Variants in EEFSEC observed in about 807,000 individuals in gnomAD.
EEFSEC encodes the protein selenocysteine-specific elongation factor.
EEFSEC carries 43 observed loss-of-function variants against 42.1 expected under a neutral mutation model. The ratio of observed to expected loss-of-function variants is 1.02; its 90% CI spans 0.80 to 1.32. The LOEUF (loss-of-function observed/expected upper bound fraction) is 1.32. Among genes scored for constraint, EEFSEC ranks in the 40% most tolerant of loss-of-function variants. The pLI, the probability that EEFSEC is intolerant of heterozygous loss-of-function variation, is 0.00. For missense variants in EEFSEC, 745 were observed against 803.6 expected (o/e 0.93, Z 0.88); for synonymous variants, 354 against 339.1 (o/e 1.04, Z -0.48).
chr3:128,247,181 T>C, intron 2 of EEFSEC, 138 bp downstream of exon 2: 1 of 889,332 alleles, frequency 1.1e-6, no homozygotes, highest in East Asian at 2.5e-5. Flanking sequence ...TGGCATTTGC[T>C]CACATAAGGG....
At chr3:128,344,854 T>C (rs2067293794) in intron 5 of EEFSEC, among the ~76,000 whole-genome samples, 1 of 152,208 alleles carries the variant, frequency 6.6e-6, no homozygotes, top group Non-Finnish European at 1.5e-5. Context: ...CACCATAGCT[T>C]GTGGCTTCAT....
At chr3:128,295,111 C>T (rs940075299) in intron 4 of EEFSEC, among the ~76,000 whole-genome samples, 1 of 152,168 alleles carries the variant, frequency 6.6e-6, no homozygotes, top group African/African-American at 2.4e-5. Flanking sequence ...TTTGGTCATC[C>T]AGGCTCAGGT....
At chr3:128,197,315 C>T (rs1050023060) in intron 1 of EEFSEC, among the ~76,000 whole-genome samples, 4 of 152,114 alleles carry the variant, frequency 2.6e-5, no homozygotes, top group Non-Finnish European at 4.4e-5. Flanking sequence ...TCTGTTGCCA[C>T]GCTGTAGTGC....
chr3:128,329,535 G>A (rs2067103634), intron 4 of EEFSEC, among the ~76,000 whole-genome samples: 1 of 152,102 alleles, frequency 6.6e-6, no homozygotes, highest in African/African-American at 2.4e-5. Context: ...GGGCCAAGGT[G>A]GGCAGGCAGC....
chr3:128,314,157 A>G lies in EEFSEC; in HGVS notation c.787-27076A>G, dbSNP rs369295892. Among the ~76,000 whole-genome samples, 8 of 152,194 alleles carry G rather than the reference A, an allele frequency of 5.3e-5. No homozygotes were observed. The South Asian group carries it at 1.5e-3, about 28-fold the overall frequency. On this transcript the variant is annotated intron_variant, in intron 4 of 6. Transcript: ENST00000254730. Reference sequence around the variant, plus strand: ...AGTTGTTTGGAGAGCACGTTAACCAACTGTTGGTAAGAACAGCTGTGTGTA... The same window carrying G: ...AGTTGTTTGGAGAGCACGTTAACCAGCTGTTGGTAAGAACAGCTGTGTGTA...
At chr3:128,374,201 G>A (rs1457975805) in intron 6 of EEFSEC, among the ~76,000 whole-genome samples, 1 of 152,244 alleles carries the variant, frequency 6.6e-6, no homozygotes, top group Non-Finnish European at 1.5e-5. Context: ...CATCGACTGT[G>A]TGGCTCTTTT....
intron 4 of EEFSEC, among the ~76,000 whole-genome samples, chr3:128,295,090 G>T (rs896111424): frequency 1.3e-5 from 2 of 152,172 alleles, no homozygotes; most frequent in Non-Finnish European, 2.9e-5. Flanking sequence ...CAGTTGAGGG[G>T]AATTGTTTCA....
At chr3:128,341,171 T>A in intron 4 of EEFSEC, 62 bp from the exon 5 acceptor site, 1 of 1,531,406 alleles carries the variant, frequency 6.5e-7, no homozygotes, top group Non-Finnish European at 8.8e-7. Context: ...GCAGCTCCCC[T>A]CTCCTCCCCA....
intron 1 of EEFSEC, among the ~76,000 whole-genome samples, chr3:128,197,298 G>A (rs2107811436): frequency 6.6e-6 from 1 of 152,248 alleles, no homozygotes. Flanking sequence ...TTGAGACGGA[G>A]TCTCGCTCTG....
chr3:128,307,647 G>A (rs1390254967), intron 4 of EEFSEC, among the ~76,000 whole-genome samples: 1 of 152,230 alleles, frequency 6.6e-6, no homozygotes, highest in Non-Finnish European at 1.5e-5. Context: ...TTCGCAACAA[G>A]AACAGACAGG....
intron 4 of EEFSEC, among the ~76,000 whole-genome samples, chr3:128,291,620 A>C (rs184123058): frequency 3.7e-4 from 56 of 152,362 alleles, no homozygotes; most frequent in African/African-American, 1.3e-3. Context: ...GACTTAAGAC[A>C]TATATGCTGC....
intron 4 of EEFSEC, among the ~76,000 whole-genome samples, chr3:128,268,491 G>A (rs1362355377): frequency 2.0e-5 from 3 of 152,054 alleles, no homozygotes; most frequent in African/African-American, 7.2e-5. Context: ...GTTAAATTAT[G>A]GTCCCCCAAA....
At chr3:128,418,349 C>T in the EEFSEC span, among the ~76,000 whole-genome samples, 12 of 152,036 alleles carry the variant, frequency 7.9e-5, no homozygotes, top group Admixed American at 7.2e-4. Context: ...CAGGACTCCA[C>T]GCACCCACCT....
At chr3:128,395,173 G>T (rs946661407) in intron 6 of EEFSEC, among the ~76,000 whole-genome samples, 1 of 152,186 alleles carries the variant, frequency 6.6e-6, no homozygotes, top group African/African-American at 2.4e-5. Flanking sequence ...GAGGTCAGGC[G>T]CCTGTTATCC....
the EEFSEC span, among the ~76,000 whole-genome samples, chr3:128,421,520 C>T: frequency 6.6e-6 from 1 of 152,230 alleles, no homozygotes; most frequent in African/African-American, 2.4e-5. Flanking sequence ...TGCACCCCTG[C>T]ACCTGTGGCC....
chr3:128,341,764 A>G lies in EEFSEC; in HGVS notation c.1318A>G (p.Asn440Asp). The change falls in exon 5 of 7, where the codon AAC becomes GAC. Residue 440 changes from asparagine to aspartate, a missense_variant. Asn to Asp is a conservative substitution (Grantham distance 23). Coordinates refer to ENST00000254730, the MANE Select transcript of EEFSEC (RefSeq NM_021937.5). ...GSRLDADIHT[N>D]TCRLAFHGIL... Reference sequence around the variant, plus strand: ...CAGGCTAGATGCGGACATTCACACCAACACGTGCCGGCTAGCCTTCCATGG... The same window carrying G: ...CAGGCTAGATGCGGACATTCACACCGACACGTGCCGGCTAGCCTTCCATGG... 1 of 1,614,128 alleles carries G rather than the reference A, an allele frequency of 6.2e-7. No individual in the cohort carries two copies. Among genetic ancestry groups the G allele is most frequent in the Admixed American group, 1.7e-5 (1 of 60,034 alleles).
chr3:128,279,696 G>C (rs183101300), intron 4 of EEFSEC, among the ~76,000 whole-genome samples: 322 of 152,326 alleles, frequency 2.1e-3, no homozygotes, highest in African/African-American at 7.1e-3. Flanking sequence ...TCCAGGATTG[G>C]TGTTGCTCCA....
the EEFSEC span, among the ~76,000 whole-genome samples, chr3:128,421,676 C>T: frequency 6.6e-5 from 10 of 151,848 alleles, no homozygotes; most frequent in Admixed American, 4.6e-4. Context: ...GGTTTATGAG[C>T]GGGGTGGGGG....
chr3:128,237,654 G>GT (rs2066026991), intron 1 of EEFSEC, among the ~76,000 whole-genome samples: 3 of 152,116 alleles, frequency 2.0e-5, no homozygotes, highest in Non-Finnish European at 2.9e-5. Context: ...AGCATTTCTT[G>GT]TTTTTTTGGC....
Sources: allele counts gnomAD v4.1 joint callset (sites outside exome capture counted in the v4.1 genomes callset), GRCh38; gene constraint gnomAD v4.1.1; transcripts MANE v1.5; gene names NCBI Gene and HGNC (gene_info 2026-07-23, HGNC 2026-07-21).